Variants in DPP8 observed in about 807,000 individuals in gnomAD.
The protein encoded by DPP8 is dipeptidyl peptidase 8.
A neutral mutation model predicts 107.5 loss-of-function variants in DPP8; 31 were observed. The observed-to-expected ratio is 0.29, with a 90% CI of 0.22 to 0.39. The LOEUF is 0.39. Ranked by LOEUF, DPP8 falls within the 10% of genes least tolerant of loss-of-function variation. The pLI, the probability that DPP8 is intolerant of heterozygous loss-of-function variation, is 1.00. For missense variants in DPP8, 842 were observed against 1,076.1 expected, an observed-to-expected ratio of 0.78 and a Z score of 3.04; for synonymous variants, 381 against 356.6, an observed-to-expected ratio of 1.07 and a Z score of -0.77.
At position 65,443,206 on chromosome 15, in the gene DPP8, TTTCTATATATCATTTAAC is replaced by T. The variant is rs1466596776; in HGVS notation, c.*3660_*3677del. The stretch of plus-strand genomic sequence containing the variant: ...TAAATATTTCTTTAAAAATTTACCT[TTTCTATATATCATTTAAC>T]TACCATGAGGCAGGACACCTGGCTG... On this transcript the variant is annotated 3_prime_UTR_variant, in exon 20 of 20. Coordinates refer to ENST00000300141, the MANE Select transcript of DPP8 (RefSeq NM_130434.5). 2.0e-5 allele frequency: 3 copies of T among 152,186 alleles called. No individual in the cohort carries two copies. The highest frequency in any genetic ancestry group is 7.2e-5 in the African/African-American group (3 of 41,452). The allele number at this position is 152,186 out of a possible 1,614,324, so 9.4% of individuals were successfully genotyped here. A position where few individuals can be genotyped will look rare whatever the true frequency, so the allele number is the denominator to read the frequency against.
chr15:65,454,140 A>T, intron 17 of DPP8, 123 bp downstream of exon 17: 1 of 678,374 alleles, frequency 1.5e-6, no homozygotes, highest in African/African-American at 1.9e-5. Context: ...TCGTCTCAAA[A>T]AAAAAAAAAA....
intron 14 of DPP8, 146 bp downstream of exon 14, chr15:65,466,532 G>A (rs59352968): frequency 0.056 from 38,574 of 685,328 alleles, 1,287 homozygotes; most frequent in African/African-American, 0.1. Context: ...AGGAGAAGAG[G>A]GATCTATCAG....
Position 65,443,515 on chromosome 15 carries a change from G to T in DPP8, c.*3369C>A. ...TAGTAAAAAAAAAAAAGTAAGCATC[G>T]GTATCAATATCGCATTCTTTTAAAA... On this transcript the variant is annotated 3_prime_UTR_variant, in exon 20 of 20. Transcript: ENST00000300141. 1 of 151,480 alleles carries T rather than the reference G, an allele frequency of 6.6e-6. No individual in the cohort carries two copies. The highest frequency in any genetic ancestry group is 1.9e-4 in the East Asian group (1 of 5,174). 9.4% of individuals were successfully genotyped at this position (151,480 alleles called of 1,614,324 possible).
At position 65,500,743 on chromosome 15, in the gene DPP8, C is replaced by G; in HGVS notation, c.409G>C (p.Glu137Gln). ...LDYGMYSREE[E>Q]LLRERKRIGT... is the part of the protein sequence containing the mutation. ...ATGCGTTTTCTTTCTCTTAATAGTT[C>G]TTCTTCTCGAGAATACATTCCATAG... The change falls in exon 4 of 20, where the codon GAA (glutamate) becomes CAA (glutamine). Residue 137 changes from glutamate to glutamine, a missense_variant. Around this residue, in one of 2 missense-constraint regions of DPP8, gnomAD observed 663 missense variants for 758.0 expected, o/e 0.87. Coordinates refer to ENST00000300141, the MANE Select transcript of DPP8 (RefSeq NM_130434.5). 2 of 1,613,928 alleles carry G rather than the reference C, an allele frequency of 1.2e-6. No homozygotes were observed. Among genetic ancestry groups the G allele is most frequent in the Non-Finnish European group, 8.5e-7 (1 of 1,179,948 alleles).
At chr15:65,463,930 G>T (rs773014230) in intron 14 of DPP8, 24 bp from the exon 15 acceptor site, 3 of 1,500,302 alleles carry the variant, frequency 2.0e-6, no homozygotes, top group East Asian at 2.4e-5. Flanking sequence ...ACATAACAGA[G>T]TCTACAAAAG....
At chr15:65,450,062 A>G (rs1440775298) in intron 19 of DPP8, among the ~76,000 whole-genome samples, 1 of 151,838 alleles carries the variant, frequency 6.6e-6, no homozygotes, top group African/African-American at 2.4e-5. Flanking sequence ...CTGCCTCCCC[A>G]GTTCAAGCAG....
At chr15:65,460,268 CCT>C (rs1482447857) in intron 15 of DPP8, among the ~76,000 whole-genome samples, 1 of 151,830 alleles carries the variant, frequency 6.6e-6, no homozygotes, top group African/African-American at 2.4e-5. Context: ...ATGGTGAAAC[CCT>C]GTCTCTACTA....
intron 5 of DPP8, among the ~76,000 whole-genome samples, chr15:65,490,630 G>T (rs2067932929): frequency 6.6e-6 from 1 of 152,138 alleles, no homozygotes; most frequent in African/African-American, 2.4e-5. Flanking sequence ...CCAATTAGCA[G>T]GATCATGGAA....
intron 15 of DPP8, among the ~76,000 whole-genome samples, chr15:65,462,839 A>G (rs937692621): frequency 6.6e-6 from 1 of 152,134 alleles, no homozygotes; most frequent in African/African-American, 2.4e-5. Context: ...TCGGCCTCCC[A>G]AAGTGCTGGG....
intron 5 of DPP8, among the ~76,000 whole-genome samples, chr15:65,491,449 T>C (rs886516196): frequency 2.0e-5 from 3 of 152,192 alleles, no homozygotes; most frequent in African/African-American, 7.2e-5. Flanking sequence ...ACACTTCCAG[T>C]ACTCATGCTC....
intron 18 of DPP8, among the ~76,000 whole-genome samples, chr15:65,451,664 C>T (rs766069504): frequency 6.6e-6 from 1 of 152,040 alleles, no homozygotes; most frequent in African/African-American, 2.4e-5. Context: ...GTGGCTCATG[C>T]CTGTAATCCC....
In DPP8 at chr15:65,485,975, T is replaced by G. The variant is rs1475701002; in HGVS notation, c.956-815A>C. On this transcript the variant is annotated intron_variant, in intron 7 of 19. Coordinates refer to ENST00000300141, the MANE Select transcript of DPP8 (RefSeq NM_130434.5). Reference sequence around the variant, plus strand: ...CAGGTGTGGTGGCACACGCCTGTAATCCCAGCTACTCAGGGGGCTGAGGCA... The same window carrying G: ...CAGGTGTGGTGGCACACGCCTGTAAGCCCAGCTACTCAGGGGGCTGAGGCA... 6.0e-5 allele frequency among the ~76,000 whole-genome samples: 9 copies of G among 150,920 alleles called. No homozygotes were observed. In the East Asian group the frequency reaches 1.8e-3, roughly 29 times the overall value.
chr15:65,446,126 A>C lies in DPP8; in HGVS notation c.*758T>G, dbSNP rs191075716. ...TATTTAAGCTCTAATCATTTGATTA[A>C]AAATTTTCTGCCTGTAATTATCAAT... On this transcript the variant is annotated 3_prime_UTR_variant, in exon 20 of 20. Coordinates refer to ENST00000300141, the MANE Select transcript of DPP8 (RefSeq NM_130434.5). 5 of 152,278 alleles carry C rather than the reference A, an allele frequency of 3.3e-5. No homozygotes were observed. The highest frequency in any genetic ancestry group is 1.2e-4 in the African/African-American group (5 of 41,562). The allele number at this position is 152,278 out of a possible 1,614,324, so 9.4% of individuals were successfully genotyped here.
At chr15:65,456,797 A>G (rs2064460694) in intron 15 of DPP8, among the ~76,000 whole-genome samples, 1 of 152,244 alleles carries the variant, frequency 6.6e-6, no homozygotes, top group Non-Finnish European at 1.5e-5. Flanking sequence ...CTTCAGAATA[A>G]GTCTACATGG....
At chr15:65,509,239 C>T (rs908904858) in intron 2 of DPP8, among the ~76,000 whole-genome samples, 1 of 152,184 alleles carries the variant, frequency 6.6e-6, no homozygotes, top group African/African-American at 2.4e-5. Flanking sequence ...CTATCAATAC[C>T]ATTCACAATT....
Position 65,453,754 on chromosome 15 carries a change from T to C in DPP8, c.2271+509A>G, listed in dbSNP as rs2064169177. 2.0e-5 allele frequency among the ~76,000 whole-genome samples: 3 copies of C among 151,444 alleles called. No individual in the cohort carries two copies. In the Admixed American group the frequency reaches 2.0e-4, roughly 10 times the overall value. On this transcript the variant is annotated intron_variant, in intron 17 of 19. Transcript: ENST00000300141. ...AACAGAACAACAACAAAAAACAAAC[T>C]TGAGATATATATACATTTCACATGG...
chr15:65,460,845 G>T (rs536731899), intron 15 of DPP8, among the ~76,000 whole-genome samples: 1 of 152,298 alleles, frequency 6.6e-6, no homozygotes, highest in South Asian at 2.1e-4. Flanking sequence ...TATATACCAA[G>T]AAGTGGAATT....
intron 19 of DPP8, among the ~76,000 whole-genome samples, chr15:65,448,457 G>A (rs899227308): frequency 1.3e-5 from 2 of 151,474 alleles, no homozygotes; most frequent in Admixed American, 1.3e-4. Flanking sequence ...CAGATAACGA[G>A]GTCAGAAGAT....
At chr15:65,467,333 T>G (rs1477776682) in intron 12 of DPP8, 110 bp from the exon 13 acceptor site, 5 of 1,054,062 alleles carry the variant, frequency 4.7e-6, no homozygotes, top group East Asian at 2.6e-5. Context: ...TGCCTTCTTT[T>G]TTCTTTTTTT....
Sources: gnomAD v4.1 joint callset for allele counts (sites outside exome capture counted in the v4.1 genomes callset) on GRCh38, gnomAD v4.1.1 for gene constraint, gnomAD v4.1.1 regional missense constraint, MANE v1.5 for transcripts, NCBI Gene and HGNC (gene_info 2026-07-23, HGNC 2026-07-21) for gene names.